ISOC1: variants seen among roughly 807,000 people sequenced by gnomAD.
ISOC1 encodes the protein isochorismatase domain-containing protein 1.
ISOC1 carries 33 observed loss-of-function variants against 30.0 expected under a neutral mutation model. That is an observed-to-expected ratio of 1.10 (90% CI 0.83 to 1.47). The LOEUF (loss-of-function observed/expected upper bound fraction) is 1.47. Ranked by LOEUF, ISOC1 falls within the 40% of genes most tolerant of loss-of-function variation. The pLI is 0.00. For synonymous variants in ISOC1, 178 were observed against 159.8 expected, an observed-to-expected ratio of 1.11 and a Z score of -0.86; for missense variants, 372 against 388.0, an observed-to-expected ratio of 0.96 and a Z score of 0.35.
rs942225947 is a variant in ISOC1 at position 129,106,920 on chromosome 5, A to T, written c.634-26A>T. 3 of 1,496,042 alleles carry T rather than the reference A, an allele frequency of 2.0e-6. No homozygotes were observed. The South Asian group carries it at 3.4e-5, about 17-fold the overall frequency. The allele number at this position is 1,496,042 out of a possible 1,614,324, so 92.7% of individuals were successfully genotyped here. A position where few individuals can be genotyped will look rare whatever the true frequency, so the allele number is the denominator to read the frequency against. Reference sequence around the variant, plus strand: ...TACTTTTAGTTTATTATGTTATTACATATGATTCTTGTACTTTCCTACTAG... The same window carrying T: ...TACTTTTAGTTTATTATGTTATTACTTATGATTCTTGTACTTTCCTACTAG... On this transcript the variant is annotated intron_variant, in intron 3 of 4. Transcript: ENST00000173527.
rs1284475824 is a variant in ISOC1 at position 129,094,922 on chromosome 5, GAAGTTCCTCAGC to G, written c.157_168del (p.Lys53_Ser56del). 2.5e-6 allele frequency: 4 copies of G among 1,612,360 alleles called. No individual in the cohort carries two copies. The South Asian group carries it at 4.4e-5, about 18-fold the overall frequency. ...GGGCGGGCTACGAGCTGCTCATCCAGAAGTTCCTCAGCCTGTACGGCGACCAGATCGACATGC... is the reference window on the plus strand; with the variant it reads ...GGGCGGGCTACGAGCTGCTCATCCAGCTGTACGGCGACCAGATCGACATGC... On this transcript the variant is annotated inframe_deletion, in exon 1 of 5. Coordinates refer to ENST00000173527, the MANE Select transcript of ISOC1 (RefSeq NM_016048.2).
At chr5:129,103,904 A>G (rs1753601645) in intron 1 of ISOC1, among the ~76,000 whole-genome samples, 1 of 152,172 alleles carries the variant, frequency 6.6e-6, no homozygotes, top group Non-Finnish European at 1.5e-5. Flanking sequence ...CCTTTACAGT[A>G]CTTCCTGCAA....
intron 1 of ISOC1, among the ~76,000 whole-genome samples, chr5:129,099,929 A>G (rs1753549816): frequency 6.6e-6 from 1 of 152,228 alleles, no homozygotes. Context: ...TGTAATCGAA[A>G]TTAGTGAAAT....
chr5:129,110,237 G>A (rs1753688542), intron 4 of ISOC1, among the ~76,000 whole-genome samples: 1 of 152,190 alleles, frequency 6.6e-6, no homozygotes, highest in Non-Finnish European at 1.5e-5. Context: ...AGTTTTGCAA[G>A]TGTAAGGGGA....
chr5:129,109,488 G>A (rs145989296), intron 4 of ISOC1, among the ~76,000 whole-genome samples: 1 of 152,300 alleles, frequency 6.6e-6, no homozygotes, highest in Admixed American at 6.5e-5. Context: ...CCAGAAATGT[G>A]TAAGTATATA....
rs911926232 is a variant in ISOC1 at position 129,113,769 on chromosome 5, A to C, written c.*768A>C. On this transcript the variant is annotated 3_prime_UTR_variant, in exon 5 of 5. Transcript: ENST00000173527. ...ATCTTGAATATATATTCTAGTGTCC[A>C]CAAGATTTAGCAAAAAGATAAAGCT... 6.6e-6 allele frequency: 1 copy of C among 152,108 alleles called. No homozygotes were observed. Among genetic ancestry groups the C allele is most frequent in the Non-Finnish European group, 1.5e-5 (1 of 68,008 alleles). The allele number at this position is 152,108 out of a possible 1,614,324, so 9.4% of individuals were successfully genotyped here.
intron 1 of ISOC1, among the ~76,000 whole-genome samples, chr5:129,096,749 G>A (rs1753506873): frequency 6.6e-6 from 1 of 152,178 alleles, no homozygotes; most frequent in Non-Finnish European, 1.5e-5. Flanking sequence ...TAACTGCGGA[G>A]GTCTGGGACT....
At chr5:129,105,707 T>C (rs976947391) in intron 3 of ISOC1, among the ~76,000 whole-genome samples, 2 of 152,194 alleles carry the variant, frequency 1.3e-5, no homozygotes, top group Admixed American at 6.5e-5. Flanking sequence ...TTTTAACTAC[T>C]ACTTTTGGAA....
chr5:129,108,544 T>C (rs1237191204), intron 4 of ISOC1, among the ~76,000 whole-genome samples: 1 of 152,058 alleles, frequency 6.6e-6, no homozygotes, highest in Non-Finnish European at 1.5e-5. Context: ...AGTCTTGCTT[T>C]GTCGCCCAGG....
chr5:129,112,395 A>G (rs907245683), intron 4 of ISOC1, among the ~76,000 whole-genome samples: 1 of 152,180 alleles, frequency 6.6e-6, no homozygotes, highest in South Asian at 2.1e-4. Context: ...AAAGTTTAAT[A>G]AATTTAGAAG....
chr5:129,100,459 A>C (rs1746894450), intron 1 of ISOC1, among the ~76,000 whole-genome samples: 1 of 152,024 alleles, frequency 6.6e-6, no homozygotes, highest in Non-Finnish European at 1.5e-5. Context: ...TGTGTGTAGG[A>C]CTATGTGTAG....
At chr5:129,096,980 A>G (rs1753510853) in intron 1 of ISOC1, among the ~76,000 whole-genome samples, 1 of 152,184 alleles carries the variant, frequency 6.6e-6, no homozygotes, top group Admixed American at 6.5e-5. Context: ...ACGCTTGTAC[A>G]TTCTCAAAAG....
At chr5:129,107,334 G>A (rs748019234) in intron 4 of ISOC1, among the ~76,000 whole-genome samples, 3 of 152,030 alleles carry the variant, frequency 2.0e-5, no homozygotes, top group Non-Finnish European at 4.4e-5. Context: ...AGTTTTATAC[G>A]TGAACTAGGA....
chr5:129,112,297 C>T (rs1037509887), intron 4 of ISOC1, among the ~76,000 whole-genome samples: 4 of 152,030 alleles, frequency 2.6e-5, no homozygotes, highest in South Asian at 2.1e-4. Context: ...ATATGCATCA[C>T]GATCTCATGT....
At chr5:129,109,022 T>TA (rs368337969) in intron 4 of ISOC1, among the ~76,000 whole-genome samples, 9 of 152,308 alleles carry the variant, frequency 5.9e-5, no homozygotes, top group African/African-American at 2.2e-4. Flanking sequence ...TCCTTGCTTG[T>TA]AAAAAAGGAC....
rs746210457 is a variant in ISOC1 at position 129,094,867 on chromosome 5, T to C, written c.101T>C (p.Val34Ala). 131 of 1,592,324 alleles carry C rather than the reference T, an allele frequency of 8.2e-5. No homozygotes were observed. Among genetic ancestry groups the C allele is most frequent in the Non-Finnish European group, 1.0e-4 (122 of 1,171,546 alleles). ...GTVPVLFCFS[V>A]FARPSSVPHG... ...GTCCCGGTGCTCTTCTGTTTCTCAG[T>C]CTTCGCGCGACCCTCGTCGGTGCCA... Residue 34 changes from valine (V) to alanine (A), a missense_variant, in exon 1 of 5, where the codon GTC becomes GCC. Coordinates refer to ENST00000173527, the MANE Select transcript of ISOC1 (RefSeq NM_016048.2).
intron 1 of ISOC1, among the ~76,000 whole-genome samples, chr5:129,104,017 C>T (rs776485503): frequency 6.6e-5 from 10 of 151,978 alleles, no homozygotes; most frequent in Non-Finnish European, 1.0e-4. Context: ...CATATTGGGC[C>T]CAAATTGTTA....
intron 4 of ISOC1, among the ~76,000 whole-genome samples, chr5:129,111,087 C>T (rs1037132987): frequency 6.6e-6 from 1 of 152,032 alleles, no homozygotes; most frequent in Non-Finnish European, 1.5e-5. Flanking sequence ...GAAGCAAGCA[C>T]ACGATCTTTT....
Position 129,105,307 on chromosome 5 carries a change from GT to G in ISOC1, c.556del (p.Ser186GlnfsTer7), listed in dbSNP as rs781287043. On this transcript the variant is annotated frameshift_variant, in exon 3 of 5. Transcript: ENST00000173527. LOFTEE classifies it high-confidence loss of function. ...TAAAACTGGTACTTCCAAAGACCAA[GT>G]TTTCAATGGTATTACCAGAAGTAGA... ...GVKLVLPKTK[F>X]SMVLPEVEAA... The G allele has an allele frequency of 6.2e-7, 1 of 1,613,898 alleles. No individual in the cohort carries two copies. The highest frequency in any genetic ancestry group is 8.5e-7 in the Non-Finnish European group (1 of 1,179,852).
Sources: gnomAD v4.1 joint callset for allele counts (sites outside exome capture counted in the v4.1 genomes callset) on GRCh38, gnomAD v4.1.1 for gene constraint, MANE v1.5 for transcripts, NCBI Gene and HGNC (gene_info 2026-07-23, HGNC 2026-07-21) for gene names.